Variants in AGAP1 observed in about 807,000 individuals in gnomAD.
AGAP1 encodes arf-GAP with GTPase, ANK repeat and PH domain-containing protein 1.
In AGAP1, 29 loss-of-function variants were observed where a neutral mutation model predicts 105.3. That is an observed-to-expected ratio of 0.28 (90% confidence interval 0.21 to 0.38). The LOEUF is 0.38. AGAP1 is among the 10% of genes least tolerant of loss of function. The probability of loss-of-function intolerance (pLI) is 1.00; values close to 1 mark genes in which losing one functional copy is unlikely to be tolerated. For missense variants in AGAP1, 998 were observed against 1,165.1 expected, an observed-to-expected ratio of 0.86 and a Z score of 2.09; for synonymous variants, 509 against 485.9, an observed-to-expected ratio of 1.05 and a Z score of -0.63.
intron 9 of AGAP1, among the ~76,000 whole-genome samples, chr2:235,850,627 G>GAAGT (rs531545153): frequency 2.0e-5 from 3 of 152,388 alleles, no homozygotes; most frequent in African/African-American, 7.2e-5. Context: ...GCTTTACAAA[G>GAAGT]AAGTACTTTA....
At chr2:236,086,908 C>T (rs2058944015) in intron 16 of AGAP1, among the ~76,000 whole-genome samples, 1 of 139,812 alleles carries the variant, frequency 7.2e-6, no homozygotes, top group African/African-American at 2.6e-5. Flanking sequence ...AATAAAATTC[C>T]CCGCTCCCTC....
Position 235,712,005 on chromosome 2 carries a change from A to G in AGAP1, c.222+2768A>G, listed in dbSNP as rs940268859. 1.3e-5 allele frequency among the ~76,000 whole-genome samples: 2 copies of G among 152,028 alleles called. No homozygotes were observed. The highest frequency in any genetic ancestry group is 4.8e-5 in the African/African-American group (2 of 41,392). ...CTTTCTTCTCAAGAGTGGTAGTACC[A>G]TGCCTTATGTTTTATTTTCTTTCTT... is the stretch of plus-strand genomic sequence containing the variant. On this transcript the variant is annotated intron_variant, in intron 2 of 17. Coordinates refer to ENST00000304032, the MANE Select transcript of AGAP1 (RefSeq NM_001037131.3). This position sits in a 1 kb window ranked among gnomAD's most constrained non-coding sequence, Gnocchi z 6.0.
chr2:235,880,297 A>G (rs59410967), intron 9 of AGAP1, among the ~76,000 whole-genome samples: 2 of 151,996 alleles, frequency 1.3e-5, no homozygotes, highest in Admixed American at 6.6e-5. Flanking sequence ...GAGTGGTGCA[A>G]ATCCATCCGC....
intron 16 of AGAP1, among the ~76,000 whole-genome samples, chr2:236,097,065 C>T (rs1035433087): frequency 6.6e-6 from 1 of 152,160 alleles, no homozygotes; most frequent in Non-Finnish European, 1.5e-5. Flanking sequence ...GTTTGGGATT[C>T]AAGTGAAACC....
At chr2:235,806,651 G>T (rs778595354) in intron 8 of AGAP1, among the ~76,000 whole-genome samples, 117 of 152,090 alleles carry the variant, frequency 7.7e-4, no homozygotes, top group Non-Finnish European at 1.2e-3. Flanking sequence ...ATTATCAGGG[G>T]TTTTTTTTCC....
Position 235,816,352 on chromosome 2 carries a change from C to T in AGAP1, c.1050+9021C>T, listed in dbSNP as rs560282268. ...ACTTGGGAGCCTGAGGCAGGAGAAT[C>T]GCATGAACCCGGGAGGCGGAGGTTG... On this transcript the variant is annotated intron_variant, in intron 9 of 17. Transcript: ENST00000304032. Among the ~76,000 whole-genome samples, 4 of 149,988 alleles carry T rather than the reference C, an allele frequency of 2.7e-5. No homozygotes were observed. The East Asian group carries it at 5.9e-4, about 22-fold the overall frequency.
At chr2:235,922,835 G>A (rs536337143) in intron 11 of AGAP1, among the ~76,000 whole-genome samples, 1 of 152,208 alleles carries the variant, frequency 6.6e-6, no homozygotes, top group Non-Finnish European at 1.5e-5. Context: ...AATGCAAATT[G>A]TGTAAAGAAA....
chr2:236,118,268 T>G (rs1172442011), intron 16 of AGAP1, among the ~76,000 whole-genome samples: 1 of 152,196 alleles, frequency 6.6e-6, no homozygotes, highest in African/African-American at 2.4e-5. Flanking sequence ...GTACTCTGAT[T>G]ATTCCCCTGG....
chr2:235,539,024 A>T (rs1943346469), intron 1 of AGAP1, among the ~76,000 whole-genome samples: 1 of 152,162 alleles, frequency 6.6e-6, no homozygotes, highest in Admixed American at 6.5e-5. Context: ...CTTCTTGTTC[A>T]CAGCCAGGTG....
chr2:235,896,098 A>C (rs570555361), intron 10 of AGAP1, among the ~76,000 whole-genome samples: 1 of 152,176 alleles, frequency 6.6e-6, no homozygotes, highest in Admixed American at 6.5e-5. Flanking sequence ...CATAAACACA[A>C]ATTCCTATCC....
chr2:235,859,010 A>G (rs1349759025), intron 9 of AGAP1, among the ~76,000 whole-genome samples: 1 of 152,262 alleles, frequency 6.6e-6, no homozygotes, highest in African/African-American at 2.4e-5. Context: ...TGGACACTTA[A>G]GAAAAATTGG....
chr2:235,888,612 G>A lies in AGAP1; in HGVS notation c.1155+5163G>A, dbSNP rs1343663209. On this transcript the variant is annotated intron_variant, in intron 10 of 17. Coordinates refer to ENST00000304032, the MANE Select transcript of AGAP1 (RefSeq NM_001037131.3). This position sits in a 1 kb window ranked among gnomAD's most constrained non-coding sequence, Gnocchi z 4.8. ...CCAGCTACTCAGGAGGCTGAGGCAG[G>A]AGGATCACTTGAGCCAGGAGGTCAG... is the stretch of plus-strand genomic sequence containing the variant. Among the ~76,000 whole-genome samples the A allele has an allele frequency of 6.6e-5, 10 of 152,232 alleles. No homozygotes were observed. In the East Asian group the frequency reaches 1.9e-3, roughly 29 times the overall value.
At chr2:235,773,696 T>G in intron 6 of AGAP1, among the ~76,000 whole-genome samples, 1 of 152,184 alleles carries the variant, frequency 6.6e-6, no homozygotes, top group South Asian at 2.1e-4. Flanking sequence ...TTAGAAACAG[T>G]GGTTGGACCT....
At chr2:236,068,566 C>T (rs894335128) in intron 16 of AGAP1, among the ~76,000 whole-genome samples, 7 of 151,686 alleles carry the variant, frequency 4.6e-5, no homozygotes, top group African/African-American at 9.7e-5. Context: ...TTTCGGAGGC[C>T]GAGGCGGGCG....
At chr2:235,626,878 G>C (rs1310377959) in intron 1 of AGAP1, among the ~76,000 whole-genome samples, 1 of 152,200 alleles carries the variant, frequency 6.6e-6, no homozygotes, top group Non-Finnish European at 1.5e-5. Flanking sequence ...AAAAACACAT[G>C]GTGGGCTGGA....
At position 235,686,638 on chromosome 2, in the gene AGAP1, TATATATAGATATATATATATATATA is replaced by T. The variant is rs1471168530; in HGVS notation, c.164-22540_164-22516del. ...AGATATAGATATATATATATATATA[TATATATAGATATATATATATATATA>T]TATTTTTTTTTTTTTTTAGACAGAG... On this transcript the variant is annotated intron_variant, in intron 1 of 17. Transcript: ENST00000304032. Among the ~76,000 whole-genome samples, 234 of 49,380 alleles carry T rather than the reference TATATATAGATATATATATATATATA, an allele frequency of 4.7e-3. 11 individuals carry two copies. The highest frequency in any genetic ancestry group is 0.021 in the African/African-American group (216 of 10,120). The allele number at this position is 49,380 out of a possible 152,430, so 32.4% of individuals were successfully genotyped here.
At chr2:235,505,349 C>T (rs1327175477) in intron 1 of AGAP1, among the ~76,000 whole-genome samples, 1 of 152,192 alleles carries the variant, frequency 6.6e-6, no homozygotes, top group Non-Finnish European at 1.5e-5. Context: ...AAGGCCAGAG[C>T]CAGGAAGGAC....
chr2:235,717,718 C>T (rs1488348051), intron 3 of AGAP1, 74 bp downstream of exon 3: 2 of 1,289,442 alleles, frequency 1.6e-6, no homozygotes, highest in African/African-American at 1.5e-5. Flanking sequence ...TATTATAAAT[C>T]ATGACTTTGA....
intron 9 of AGAP1, among the ~76,000 whole-genome samples, chr2:235,811,515 T>C (rs1310802539): frequency 1.3e-5 from 2 of 152,264 alleles, no homozygotes; most frequent in Non-Finnish European, 2.9e-5. Flanking sequence ...CTTTGCCTTA[T>C]CATGCTTCCA....
Sources: gnomAD v4.1 joint callset for allele counts (sites outside exome capture counted in the v4.1 genomes callset) on GRCh38, gnomAD v4.1.1 for gene constraint, Gnocchi (gnomAD v3.1) non-coding constraint, MANE v1.5 for transcripts, NCBI Gene and HGNC (gene_info 2026-07-23, HGNC 2026-07-21) for gene names.